The following FHIT variants were observed in gnomAD, a reference collection of about 807,000 sequenced individuals.
The protein encoded by FHIT is fragile histidine triad diadenosine triphosphatase.
In FHIT, 19 loss-of-function variants were observed where a neutral mutation model predicts 17.9. The observed-to-expected ratio is 1.06, with a 90% CI of 0.74 to 1.56. The LOEUF (loss-of-function observed/expected upper bound fraction) is 1.56, where lower values mean the gene tolerates loss of function less well. Ranked by LOEUF, FHIT falls within the 40% of genes most tolerant of loss-of-function variation. FHIT has a pLI of 0.00. For synonymous variants in FHIT, 81 were observed against 69.7 expected, an observed-to-expected ratio of 1.16 and a Z score of -0.81; for missense variants, 248 against 189.2, an observed-to-expected ratio of 1.31 and a Z score of -1.82.
intron 5 of FHIT, among the ~76,000 whole-genome samples, chr3:60,374,796 A>T (rs983169788): frequency 6.6e-6 from 1 of 152,114 alleles, no homozygotes; most frequent in Non-Finnish European, 1.5e-5. Flanking sequence ...ACGTGATAAT[A>T]GTTGTGTGGC....
intron 8 of FHIT, among the ~76,000 whole-genome samples, chr3:59,841,390 C>A (rs1182122002): frequency 6.6e-6 from 1 of 152,204 alleles, no homozygotes; most frequent in Non-Finnish European, 1.5e-5. Flanking sequence ...TGGGCCTCAG[C>A]TCCAGTGAGC....
chr3:60,379,032 TTTTGTC>T (rs1192336020), intron 5 of FHIT, among the ~76,000 whole-genome samples: 5 of 152,344 alleles, frequency 3.3e-5, no homozygotes, highest in African/African-American at 1.2e-4. Flanking sequence ...AGACTCTGAC[TTTTGTC>T]TTTGGTTGCA....
At chr3:60,843,281 T>C (rs374105443) in intron 3 of FHIT, among the ~76,000 whole-genome samples, 1 of 152,146 alleles carries the variant, frequency 6.6e-6, no homozygotes, top group Admixed American at 6.5e-5. Flanking sequence ...GAAAGTCTCA[T>C]ACGACAGGTT....
chr3:60,032,093 T>C (rs1264678727), intron 5 of FHIT, among the ~76,000 whole-genome samples: 1 of 152,222 alleles, frequency 6.6e-6, no homozygotes, highest in African/African-American at 2.4e-5. Flanking sequence ...TTCTCATTAT[T>C]TAATATGTAA....
chr3:59,975,376 G>C (rs375209214), intron 7 of FHIT, among the ~76,000 whole-genome samples: 2 of 152,060 alleles, frequency 1.3e-5, no homozygotes, highest in East Asian at 1.9e-4. Context: ...TGATAAAAAG[G>C]ACACTACATA....
chr3:60,087,555 C>T (rs1703548195), intron 5 of FHIT, among the ~76,000 whole-genome samples: 1 of 152,166 alleles, frequency 6.6e-6, no homozygotes, highest in Admixed American at 6.6e-5. Context: ...TTAAAAGTAG[C>T]CATGCCACTA....
At chr3:60,043,560 C>T (rs887434920) in intron 5 of FHIT, among the ~76,000 whole-genome samples, 9 of 152,184 alleles carry the variant, frequency 5.9e-5, no homozygotes, top group South Asian at 2.1e-4. Flanking sequence ...AGAAAATCAA[C>T]CCCATGCTCT....
At chr3:60,043,535 G>A (rs959524804) in intron 5 of FHIT, among the ~76,000 whole-genome samples, 4 of 152,192 alleles carry the variant, frequency 2.6e-5, no homozygotes, top group African/African-American at 4.8e-5. Flanking sequence ...GGTTAAATCT[G>A]AAATCAAGGT....
intron 5 of FHIT, among the ~76,000 whole-genome samples, chr3:60,423,956 C>T (rs768760887): frequency 6.6e-6 from 1 of 152,040 alleles, no homozygotes; most frequent in Non-Finnish European, 1.5e-5. Flanking sequence ...GATAGTATAA[C>T]AATTTATGTT....
intron 2 of FHIT, among the ~76,000 whole-genome samples, chr3:61,046,932 A>C (rs1333931338): frequency 1.3e-5 from 2 of 152,218 alleles, no homozygotes; most frequent in Non-Finnish European, 2.9e-5. Context: ...GCCTTCGAAA[A>C]AATTTGACAG....
At chr3:60,099,467 T>C (rs895286441) in intron 5 of FHIT, among the ~76,000 whole-genome samples, 4 of 152,162 alleles carry the variant, frequency 2.6e-5, no homozygotes, top group Non-Finnish European at 5.9e-5. Flanking sequence ...CAGCTGGGAT[T>C]CTGACCCAAT....
intron 4 of FHIT, among the ~76,000 whole-genome samples, chr3:60,674,178 T>C (rs951973206): frequency 6.6e-6 from 1 of 152,170 alleles, no homozygotes; most frequent in Non-Finnish European, 1.5e-5. Flanking sequence ...GTTTCTAATA[T>C]GTTGCTAAGG....
At chr3:60,489,132 C>G (rs1559486704) in intron 5 of FHIT, among the ~76,000 whole-genome samples, 1 of 151,542 alleles carries the variant, frequency 6.6e-6, no homozygotes, top group African/African-American at 2.4e-5. Flanking sequence ...ATATTATCCC[C>G]CTTTAAGCAA....
intron 8 of FHIT, among the ~76,000 whole-genome samples, chr3:59,872,429 C>T (rs909737903): frequency 3.3e-5 from 5 of 152,092 alleles, no homozygotes; most frequent in Admixed American, 6.6e-5. Flanking sequence ...AAACATGCCA[C>T]GTGCTCATGT....
chr3:61,221,166 C>T (rs752628382), intron 1 of FHIT, among the ~76,000 whole-genome samples: 2 of 152,216 alleles, frequency 1.3e-5, no homozygotes, highest in Non-Finnish European at 2.9e-5. Flanking sequence ...AATTGTGCCA[C>T]CCCAACAGGA....
intron 3 of FHIT, among the ~76,000 whole-genome samples, chr3:60,977,611 C>T (rs1710319304): frequency 6.6e-6 from 1 of 152,154 alleles, no homozygotes; most frequent in Non-Finnish European, 1.5e-5. Context: ...GTGGTTCACG[C>T]CTGTAATCCC....
At chr3:60,431,123 A>G (rs1281958975) in intron 5 of FHIT, among the ~76,000 whole-genome samples, 3 of 151,956 alleles carry the variant, frequency 2.0e-5, no homozygotes, top group African/African-American at 4.8e-5. Context: ...AGACAGAAGA[A>G]TAGCTTGAAC....
intron 4 of FHIT, among the ~76,000 whole-genome samples, chr3:60,539,113 C>CGAAAATTTACAAGAAAA (rs1403024705): frequency 6.6e-6 from 1 of 152,138 alleles, no homozygotes; most frequent in African/African-American, 2.4e-5. Flanking sequence ...CAAACAACCC[C>CGAAAATTTACAAGAAAA]ATCAACAAGT....
At chr3:60,813,035 G>A (rs1701623593) in intron 4 of FHIT, among the ~76,000 whole-genome samples, 1 of 151,754 alleles carries the variant, frequency 6.6e-6, no homozygotes, top group South Asian at 2.1e-4. Flanking sequence ...TGGAGAAGAG[G>A]GACCATCAAG....
Sources: allele counts gnomAD v4.1 joint callset (sites outside exome capture counted in the v4.1 genomes callset), GRCh38; gene constraint gnomAD v4.1.1; transcripts MANE v1.5; gene names NCBI Gene and HGNC (gene_info 2026-07-23, HGNC 2026-07-21).